ALDH1A3: variants seen among roughly 807,000 people sequenced by gnomAD.
ALDH1A3 encodes the protein aldehyde dehydrogenase 1 family member A3.
A neutral mutation model predicts 57.5 loss-of-function variants in ALDH1A3; 28 were observed. The ratio of observed to expected loss-of-function variants is 0.49; its 90% CI spans 0.36 to 0.67. The LOEUF (loss-of-function observed/expected upper bound fraction) is 0.67, where lower values mean the gene tolerates loss of function less well. ALDH1A3 is among the 30% of genes least tolerant of loss of function. ALDH1A3 has a pLI of 0.00. For synonymous variants in ALDH1A3, 281 were observed against 264.8 expected (o/e 1.06, Z -0.59); for missense variants, 507 against 669.4 (o/e 0.76, Z 2.68).
chr15:100,890,445 C>T (rs1489726634), intron 3 of ALDH1A3, among the ~76,000 whole-genome samples: 2 of 152,156 alleles, frequency 1.3e-5, no homozygotes, highest in African/African-American at 4.8e-5. Flanking sequence ...CCTATCATGA[C>T]CTGGGTTTTG....
At position 100,895,898 on chromosome 15, in the gene ALDH1A3, G is replaced by T. The variant is rs756623527; in HGVS notation, c.667-35G>T. 11 of 1,551,266 alleles carry T rather than the reference G, an allele frequency of 7.1e-6. No individual in the cohort carries two copies. The South Asian group carries it at 1.0e-4, about 15-fold the overall frequency. On this transcript the variant is annotated intron_variant, in intron 6 of 12. Coordinates refer to ENST00000329841, the MANE Select transcript of ALDH1A3 (RefSeq NM_000693.4). ...TGTGGATCCGTGGTGGATGAAGTCC[G>T]TTCTTCTTCAAGTGCTATCTTGATT...
In ALDH1A3 at chr15:100,913,031, G is replaced by A. The variant is rs577522413; in HGVS notation, c.1467-1670G>A. Among the ~76,000 whole-genome samples, 614 of 95,896 alleles carry A rather than the reference G, an allele frequency of 6.4e-3. 183 individuals carry two copies. Among genetic ancestry groups the A allele is most frequent in the African/African-American group, 0.022 (572 of 26,250 alleles). 62.9% of individuals were successfully genotyped at this position (95,896 alleles called of 152,430 possible). ...AAATTAGCCGGGCGTGGCAGCGGGC[G>A]CCTGTAGTCCCAGCTACTCGGGAGG... On this transcript the variant is annotated intron_variant, in intron 12 of 12. Coordinates refer to ENST00000329841, the MANE Select transcript of ALDH1A3 (RefSeq NM_000693.4).
rs2041827079 is a variant in ALDH1A3, at chr15:100,906,805, T to C, written c.1234-316T>C. Reference sequence around the variant, plus strand: ...AAAGTTACCTAAAGGTTTTGTGTTCTGTGCATCTATGGGTTACTCCAAGGC... The same window carrying C: ...AAAGTTACCTAAAGGTTTTGTGTTCCGTGCATCTATGGGTTACTCCAAGGC... On this transcript the variant is annotated intron_variant, in intron 10 of 12. Transcript: ENST00000329841. The surrounding 1 kb of genome is among the most constrained non-coding windows in gnomAD (Gnocchi z 4.8). Among the ~76,000 whole-genome samples, 1 of 152,254 alleles carries C rather than the reference T, an allele frequency of 6.6e-6. No homozygotes were observed. The highest frequency in any genetic ancestry group is 6.5e-5 in the Admixed American group (1 of 15,290).
chr15:100,892,615 A>T lies in ALDH1A3; in HGVS notation c.451A>T (p.Ile151Phe). The change falls in exon 4 of 13, where the codon ATC becomes TTC. Residue 151 changes from isoleucine to phenylalanine, a missense_variant. Ile to Phe is a conservative substitution (Grantham distance 21). This residue lies in a region of ALDH1A3 where 432 missense variants were observed against 608.4 expected (regional missense o/e 0.71). Transcript: ENST00000329841. Reference sequence around the variant, plus strand: ...ATACTTTGCAGGGTGGGCAGACAAAATCCAGGGCAAGACCATCCCCACAGG... The same window carrying T: ...ATACTTTGCAGGGTGGGCAGACAAATTCCAGGGCAAGACCATCCCCACAGG... ...LRYFAGWADKIQGKTIPTDDN... is the reference protein window; with the variant it reads ...LRYFAGWADKFQGKTIPTDDN... 6.2e-7 allele frequency: 1 copy of T among 1,613,088 alleles called. No individual in the cohort carries two copies. The highest frequency in any genetic ancestry group is 1.3e-5 in the African/African-American group (1 of 74,976).
At chr15:100,908,321 C>T (rs1236939738) in intron 11 of ALDH1A3, 87 bp from the exon 12 acceptor site, 2 of 1,096,432 alleles carry the variant, frequency 1.8e-6, no homozygotes, top group Non-Finnish European at 2.8e-6. Context: ...TTAGACAATG[C>T]CCTGCACTGG....
chr15:100,907,844 CTTTTT>C (rs71151987), intron 11 of ALDH1A3, among the ~76,000 whole-genome samples: 3 of 81,910 alleles, frequency 3.7e-5, no homozygotes, highest in Admixed American at 1.9e-4. Context: ...TTCTTTCTTT[CTTTTT>C]TTTTTTTTTT....
rs939487804 is a variant in ALDH1A3, at chr15:100,887,819, C to T, written c.345+107C>T. 5.4e-5 allele frequency: 75 copies of T among 1,384,046 alleles called. No individual in the cohort carries two copies. The highest frequency in any genetic ancestry group is 2.7e-4 in the Admixed American group (10 of 37,228). The allele number at this position is 1,384,046 out of a possible 1,614,324, so 85.7% of individuals were successfully genotyped here. A position where few individuals can be genotyped will look rare whatever the true frequency, so the allele number is the denominator to read the frequency against. ...GATCACGGTCCTGGTTTTGTGTGGTCGTGGGTCTGTTCCATCCTCTGAGAC... is the reference window on the plus strand; with the variant it reads ...GATCACGGTCCTGGTTTTGTGTGGTTGTGGGTCTGTTCCATCCTCTGAGAC... On this transcript the variant is annotated intron_variant, in intron 3 of 12. Coordinates refer to ENST00000329841, the MANE Select transcript of ALDH1A3 (RefSeq NM_000693.4). This position sits in a 1 kb window ranked among gnomAD's most constrained non-coding sequence, Gnocchi z 4.6.
chr15:100,902,720 G>T (rs1169558303), intron 9 of ALDH1A3, among the ~76,000 whole-genome samples: 1 of 152,236 alleles, frequency 6.6e-6, no homozygotes, highest in Admixed American at 6.5e-5. Context: ...TTCCTGGCAG[G>T]TCTCTCTTCC....
chr15:100,906,849 G>A lies in ALDH1A3; in HGVS notation c.1234-272G>A, dbSNP rs577411184. Among the ~76,000 whole-genome samples, 8 of 152,272 alleles carry A rather than the reference G, an allele frequency of 5.3e-5. No homozygotes were observed. In the South Asian group the frequency reaches 1.5e-3, roughly 28 times the overall value. ...CCAAGGCTCTCTGGCTGGGTTTCTC[G>A]GAAACCCTGATGACAACAAGACATC... On this transcript the variant is annotated intron_variant, in intron 10 of 12. Transcript: ENST00000329841. The surrounding 1 kb of genome is among the most constrained non-coding windows in gnomAD (Gnocchi z 4.8).
intron 12 of ALDH1A3, among the ~76,000 whole-genome samples, chr15:100,912,725 A>G (rs1243776000): frequency 6.6e-6 from 1 of 152,216 alleles, no homozygotes; most frequent in Non-Finnish European, 1.5e-5. Context: ...TTATAATTAC[A>G]AGGAGGTGAT....
chr15:100,898,708 G>T (rs567375976), intron 8 of ALDH1A3, among the ~76,000 whole-genome samples: 1 of 152,174 alleles, frequency 6.6e-6, no homozygotes, highest in South Asian at 2.1e-4. Flanking sequence ...CAAATTACCC[G>T]CTTTGCCTGG....
At position 100,896,046 on chromosome 15, in the gene ALDH1A3, G is replaced by A. The variant is rs1188178493; in HGVS notation, c.780G>A (p.Glu260=). Reference sequence around the variant, plus strand: ...AGATCGCCTTCACCGGCTCCACAGAGGTAACCCTCCTCACAGGGTGCTGGG... The same window carrying A: ...AGATCGCCTTCACCGGCTCCACAGAAGTAACCCTCCTCACAGGGTGCTGGG... ...INKIAFTGST[E]VGKLVKEAAS... Residue 260 remains glutamate, a splice_region_variant and synonymous_variant, in exon 7 of 13, where the codon GAG becomes GAA. Transcript: ENST00000329841. 6.2e-7 allele frequency: 1 copy of A among 1,606,072 alleles called. No homozygotes were observed. Among genetic ancestry groups the A allele is most frequent in the Non-Finnish European group, 8.5e-7 (1 of 1,176,022 alleles).
At chr15:100,881,044 C>T (rs868112403) in intron 1 of ALDH1A3, 1 of 152,274 alleles carries the variant, frequency 6.6e-6, no homozygotes, top group Non-Finnish European at 1.5e-5. Flanking sequence ...CAGCTGACAC[C>T]GCACTTAGAG....
intron 8 of ALDH1A3, among the ~76,000 whole-genome samples, chr15:100,899,906 A>G (rs1437301732): frequency 6.6e-6 from 1 of 152,210 alleles, no homozygotes; most frequent in East Asian, 1.9e-4. Flanking sequence ...TTAAGAAAGC[A>G]ATAGTGCGGG....
intron 3 of ALDH1A3, among the ~76,000 whole-genome samples, chr15:100,891,617 A>C (rs1412361582): frequency 6.6e-6 from 1 of 152,242 alleles, no homozygotes; most frequent in Non-Finnish European, 1.5e-5. Context: ...CGCTGGGGTT[A>C]AAGCCCTGGA....
chr15:100,892,403 G>T, intron 3 of ALDH1A3, 107 bp from the exon 4 acceptor site: 1 of 1,475,514 alleles, frequency 6.8e-7, no homozygotes, highest in Non-Finnish European at 9.2e-7. Context: ...GGTCTACAGA[G>T]CAATGTCCTA....
intron 10 of ALDH1A3, among the ~76,000 whole-genome samples, chr15:100,905,997 G>C (rs1229755902): frequency 1.3e-5 from 2 of 151,994 alleles, no homozygotes; most frequent in Non-Finnish European, 2.9e-5. Context: ...TAACACAACC[G>C]GTCCCCGAGT....
intron 1 of ALDH1A3, among the ~76,000 whole-genome samples, chr15:100,883,221 C>G (rs2041562979): frequency 6.6e-6 from 1 of 152,182 alleles, no homozygotes; most frequent in African/African-American, 2.4e-5. Context: ...CTGACAGTCT[C>G]TATTATCTAA....
chr15:100,897,449 C>T (rs1007343117), intron 7 of ALDH1A3, among the ~76,000 whole-genome samples: 3 of 152,240 alleles, frequency 2.0e-5, no homozygotes, highest in Admixed American at 2.0e-4. Context: ...ATGGGAGAGA[C>T]CCCGTGGGGG....
Sources: gnomAD v4.1 joint callset for allele counts (sites outside exome capture counted in the v4.1 genomes callset) on GRCh38, gnomAD v4.1.1 for gene constraint, gnomAD v4.1.1 regional missense constraint, Gnocchi (gnomAD v3.1) non-coding constraint, MANE v1.5 for transcripts, NCBI Gene and HGNC (gene_info 2026-07-23, HGNC 2026-07-21) for gene names.